GPRIN1: variants seen among roughly 807,000 people sequenced by gnomAD.
GPRIN1 encodes G protein regulated inducer of neurite outgrowth 1.
In GPRIN1, 4 loss-of-function variants were observed where a neutral mutation model predicts 2.8. The ratio of observed to expected loss-of-function variants is 1.45; its 90% CI spans 0.71 to 3.32. GPRIN1 has a LOEUF of 3.32. Ranked by LOEUF, GPRIN1 falls within the 30% of genes most tolerant of loss-of-function variation. GPRIN1 has a pLI of 0.01. For synonymous variants in GPRIN1, 589 were observed against 589.9 expected (o/e 1.00, Z 0.02); for missense variants, 1,322 against 1,343.4 (o/e 0.98, Z 0.25).
At chr5:176,600,225 C>T (rs1407823525) in intron 1 of GPRIN1, among the ~76,000 whole-genome samples, 1 of 152,182 alleles carries the variant, frequency 6.6e-6, no homozygotes, top group Non-Finnish European at 1.5e-5. Context: ...CTCCTGGGTT[C>T]AAGCGATTCT....
rs567886690 is a variant in GPRIN1 at position 176,602,737 on chromosome 5, T to C, written c.-43-2860A>G. On this transcript the variant is annotated intron_variant, in intron 1 of 1. Coordinates refer to ENST00000303991, the MANE Select transcript of GPRIN1 (RefSeq NM_052899.3). The surrounding 1 kb of genome is among the most constrained non-coding windows in gnomAD (Gnocchi z 4.4). ...CTGGGGTACACAAGGGCATGGCTAG[T>C]GATGAGAACAAGACGGGGAGGCAGG... is the stretch of plus-strand genomic sequence containing the variant. Among the ~76,000 whole-genome samples the C allele has an allele frequency of 3.9e-5, 6 of 152,014 alleles. No homozygotes were observed. In the East Asian group the frequency reaches 7.7e-4, roughly 20 times the overall value.
At position 176,598,129 on chromosome 5, in the gene GPRIN1, G is replaced by C; in HGVS notation, c.1706C>G (p.Ser569Cys). 6.2e-7 allele frequency: 1 copy of C among 1,612,964 alleles called. No individual in the cohort carries two copies. The highest frequency in any genetic ancestry group is 1.1e-5 in the South Asian group (1 of 91,070). Reference sequence around the variant, plus strand: ...TGAGACCACTTTACCTATAGACACAGAGTCCCCTTGTCCAGAGGGGCCAGC... The same window carrying C: ...TGAGACCACTTTACCTATAGACACACAGTCCCCTTGTCCAGAGGGGCCAGC... ...ADAGPSGQGD[S>C]VSIGKVVSTP... Residue 569 changes from serine to cysteine, a missense_variant, in exon 2 of 2, where the codon TCT becomes TGT. Coordinates refer to ENST00000303991, the MANE Select transcript of GPRIN1 (RefSeq NM_052899.3).
Position 176,597,425 on chromosome 5 carries a change from C to T in GPRIN1, c.2410G>A (p.Ala804Thr), listed in dbSNP as rs1581156088. ...FTKAPSWEAS[A>T]PPPPREDAGT... The stretch of plus-strand genomic sequence containing the variant: ...GCGTCCTCGCGCGGCGGCGGCGGGG[C>T]GCTCGCCTCCCACGACGGCGCCTTG... The change falls in exon 2 of 2, where the codon GCC (alanine) becomes ACC (threonine). Residue 804 changes from alanine to threonine, a missense_variant. Coordinates refer to ENST00000303991, the MANE Select transcript of GPRIN1 (RefSeq NM_052899.3). This position sits in a 1 kb window ranked among gnomAD's most constrained non-coding sequence, Gnocchi z 6.1. 6 of 1,297,654 alleles carry T rather than the reference C, an allele frequency of 4.6e-6. No individual in the cohort carries two copies. The highest frequency in any genetic ancestry group is 5.8e-6 in the Non-Finnish European group (6 of 1,027,944). 80.4% of individuals were successfully genotyped at this position (1,297,654 alleles called of 1,614,324 possible). A position where few individuals can be genotyped will look rare whatever the true frequency, so the allele number is the denominator to read the frequency against.
At chr5:176,606,852 G>A (rs1185670833) in intron 1 of GPRIN1, among the ~76,000 whole-genome samples, 2 of 152,238 alleles carry the variant, frequency 1.3e-5, no homozygotes, top group African/African-American at 4.8e-5. Context: ...CTGTTTTCCA[G>A]AGGAAGAAAC....
intron 1 of GPRIN1, among the ~76,000 whole-genome samples, chr5:176,605,648 T>A (rs1759211883): frequency 1.3e-5 from 2 of 151,734 alleles, no homozygotes; most frequent in Admixed American, 6.6e-5. Context: ...ACAAAAACTT[T>A]AAATTAAAAT....
chr5:176,598,342 C>T lies in GPRIN1; in HGVS notation c.1493G>A (p.Arg498Lys). The change falls in exon 2 of 2, where the codon AGG (arginine) becomes AAG (lysine). Residue 498 changes from arginine (R) to lysine (K), a missense_variant. Coordinates refer to ENST00000303991, the MANE Select transcript of GPRIN1 (RefSeq NM_052899.3). ...NPVSSGPGDP[R>K]SLGTAGPPSA... ...TGGGGGACCTGCTGTCCCCAAGGAC[C>T]TGGGATCGCCTGGACCTGAAGACAC... 1.2e-6 allele frequency: 2 copies of T among 1,613,754 alleles called. No homozygotes were observed. The highest frequency in any genetic ancestry group is 1.7e-6 in the Non-Finnish European group (2 of 1,179,704).
Position 176,598,971 on chromosome 5 carries a change from C to G in GPRIN1, c.864G>C (p.Lys288Asn), listed in dbSNP as rs1759100286. The G allele has an allele frequency of 1.2e-6, 2 of 1,614,230 alleles. No homozygotes were observed. The highest frequency in any genetic ancestry group is 1.7e-6 in the Non-Finnish European group (2 of 1,180,028). The change falls in exon 2 of 2, where the codon AAG becomes AAC. Residue 288 changes from lysine (K) to asparagine (N), a missense_variant. By Grantham distance (94) the Lys-to-Asn change is moderately conservative (BLOSUM62 0). Coordinates refer to ENST00000303991, the MANE Select transcript of GPRIN1 (RefSeq NM_052899.3). ...CCTTTCCCGAGGGCCCAGGATCTCT[C>G]TTTCCCGACAATACAAGATCTACCT... is the stretch of plus-strand genomic sequence containing the variant. ...AEKVDLVLSG[K>N]RDPGPSGKAD...
Position 176,597,072 on chromosome 5 carries a change from C to G in GPRIN1, c.2763G>C (p.Thr921=). The stretch of plus-strand genomic sequence containing the variant: ...CCATGGCGGCGCCGTATACCTCCCA[C>G]GTCATGCCCTTCTCGTCCCAGCTCA... ...RDVSWDEKGM[T]WEVYGAAMEV... The change falls in exon 2 of 2, where the codon ACG becomes ACC. Residue 921 remains threonine (T), a synonymous_variant. Coordinates refer to ENST00000303991, the MANE Select transcript of GPRIN1 (RefSeq NM_052899.3). The surrounding 1 kb of genome is among the most constrained non-coding windows in gnomAD (Gnocchi z 6.1). The G allele has an allele frequency of 1.3e-6, 2 of 1,509,776 alleles. No individual in the cohort carries two copies. Among genetic ancestry groups the G allele is most frequent in the Non-Finnish European group, 1.8e-6 (2 of 1,127,106 alleles). The allele number at this position is 1,509,776 out of a possible 1,614,324, so 93.5% of individuals were successfully genotyped here.
Position 176,599,221 on chromosome 5 carries a change from G to T in GPRIN1, c.614C>A (p.Thr205Asn). Residue 205 changes from threonine (T) to asparagine (N), a missense_variant, in exon 2 of 2, where the codon ACT (threonine) becomes AAT (asparagine). Coordinates refer to ENST00000303991, the MANE Select transcript of GPRIN1 (RefSeq NM_052899.3). ...PVAPGRMDPM[T>N]VRKEDLGSLG... ...GGATCCAAGATCTTCCTTTCTTACA[G>T]TCATGGGATCCATCCTTCCAGGAGC... 5 of 1,613,722 alleles carry T rather than the reference G, an allele frequency of 3.1e-6. No homozygotes were observed. The highest frequency in any genetic ancestry group is 3.4e-6 in the Non-Finnish European group (4 of 1,179,958).
chr5:176,603,629 G>A (rs142748830), intron 1 of GPRIN1, among the ~76,000 whole-genome samples: 7 of 152,284 alleles, frequency 4.6e-5, no homozygotes, highest in African/African-American at 1.7e-4. Flanking sequence ...GGATCATGGG[G>A]CACTGGGTTT....
chr5:176,597,557 C>A lies in GPRIN1; in HGVS notation c.2278G>T (p.Ala760Ser), dbSNP rs766904668. The A allele has an allele frequency of 6.4e-7, 1 of 1,568,714 alleles. No homozygotes were observed. The highest frequency in any genetic ancestry group is 2.3e-5 in the East Asian group (1 of 43,112). Residue 760 changes from alanine (A) to serine (S), a missense_variant, in exon 2 of 2, where the codon GCC (alanine) becomes TCC (serine). Coordinates refer to ENST00000303991, the MANE Select transcript of GPRIN1 (RefSeq NM_052899.3). The surrounding 1 kb of genome is among the most constrained non-coding windows in gnomAD (Gnocchi z 6.1). ...AGGTCTTTCTGGCCGAGACTGGAGG[C>A]CTCGGTGCTGGACACGGGCTCGGCC... ...PKAEPVSSTE[A>S]SSLGQKDLEA...
Position 176,596,798 on chromosome 5 carries a change from TG to T in GPRIN1, c.*9del. The T allele has an allele frequency of 7.0e-7, 1 of 1,425,576 alleles. No individual in the cohort carries two copies. Among genetic ancestry groups the T allele is most frequent in the Non-Finnish European group, 9.2e-7 (1 of 1,089,792 alleles). 88.3% of individuals were successfully genotyped at this position (1,425,576 alleles called of 1,614,324 possible). ...AGGTCGGAAACTCGGGCGTACAAAA[TG>T]GGGGCAGATCACTCGGCCGTGGGTC... On this transcript the variant is annotated 3_prime_UTR_variant, in exon 2 of 2. Coordinates refer to ENST00000303991, the MANE Select transcript of GPRIN1 (RefSeq NM_052899.3). This position sits in a 1 kb window ranked among gnomAD's most constrained non-coding sequence, Gnocchi z 5.2.
Position 176,599,591 on chromosome 5 carries a change from A to G in GPRIN1, c.244T>C (p.Ser82Pro), listed in dbSNP as rs1259054677. 1.3e-6 allele frequency: 2 copies of G among 1,549,806 alleles called. No individual in the cohort carries two copies. The highest frequency in any genetic ancestry group is 1.7e-6 in the Non-Finnish European group (2 of 1,151,938). The change falls in exon 2 of 2, where the codon TCC (serine) becomes CCC (proline). Residue 82 changes from serine to proline, a missense_variant. Coordinates refer to ENST00000303991, the MANE Select transcript of GPRIN1 (RefSeq NM_052899.3). The stretch of plus-strand genomic sequence containing the variant: ...CTCCCTCTGGGGCCGTCAGAGCAGG[A>G]GGCCCCTTCCCCAGCCCCACTGGGG... ...RSPSGAGEGA[S>P]CSDGPRGSLA...
At position 176,598,132 on chromosome 5, in the gene GPRIN1, T is replaced by C. The variant is rs1285951084; in HGVS notation, c.1703A>G (p.Asp568Gly). Residue 568 changes from aspartate to glycine, a missense_variant, in exon 2 of 2, where the codon GAC becomes GGC. Transcript: ENST00000303991. ...GACCACTTTACCTATAGACACAGAG[T>C]CCCCTTGTCCAGAGGGGCCAGCGTC... is the stretch of plus-strand genomic sequence containing the variant. ...KADAGPSGQG[D>G]SVSIGKVVST... 2 of 1,612,406 alleles carry C rather than the reference T, an allele frequency of 1.2e-6. No individual in the cohort carries two copies. The highest frequency in any genetic ancestry group is 1.7e-4 in the Middle Eastern group (1 of 6,060).
At chr5:176,609,763 G>GCGGGAC (rs907699232) in intron 1 of GPRIN1, among the ~76,000 whole-genome samples, 4 of 151,208 alleles carry the variant, frequency 2.6e-5, no homozygotes, top group Non-Finnish European at 5.9e-5. Context: ...GCCCAGGGCT[G>GCGGGAC]CGGGACCCGC....
chr5:176,603,070 G>A lies in GPRIN1; in HGVS notation c.-43-3193C>T, dbSNP rs972953183. 3.3e-5 allele frequency among the ~76,000 whole-genome samples: 5 copies of A among 152,218 alleles called. No individual in the cohort carries two copies. In the South Asian group the frequency reaches 6.2e-4, roughly 19 times the overall value. Reference sequence around the variant, plus strand: ...TGATGTTTAAATTGTGGTTATGTGCGCACATAGTCCTTTTTTTTTCCAATG... The same window carrying A: ...TGATGTTTAAATTGTGGTTATGTGCACACATAGTCCTTTTTTTTTCCAATG... On this transcript the variant is annotated intron_variant, in intron 1 of 1. Transcript: ENST00000303991.
At chr5:176,607,141 C>G (rs752846986) in intron 1 of GPRIN1, among the ~76,000 whole-genome samples, 25 of 152,288 alleles carry the variant, frequency 1.6e-4, no homozygotes, top group Non-Finnish European at 3.2e-4. Context: ...AAGAGATAGG[C>G]CAGCCCTGGG....
chr5:176,596,624 T>C lies in GPRIN1; in HGVS notation c.*184A>G. 5.0e-6 allele frequency: 2 copies of C among 403,366 alleles called. No individual in the cohort carries two copies. The highest frequency in any genetic ancestry group is 7.8e-6 in the Non-Finnish European group (2 of 256,924). 25.0% of individuals were successfully genotyped at this position (403,366 alleles called of 1,614,324 possible). On this transcript the variant is annotated 3_prime_UTR_variant, in exon 2 of 2. Coordinates refer to ENST00000303991, the MANE Select transcript of GPRIN1 (RefSeq NM_052899.3). This position sits in a 1 kb window ranked among gnomAD's most constrained non-coding sequence, Gnocchi z 5.2. ...CGTGGCCTCGTGGCCACGAGGGAGC[T>C]TGGTAGAAGGGGTTCTTCTGTATTT...
chr5:176,596,762 G>A lies in GPRIN1; in HGVS notation c.*46C>T. The A allele has an allele frequency of 7.3e-7, 1 of 1,377,796 alleles. No homozygotes were observed. The highest frequency in any genetic ancestry group is 9.4e-7 in the Non-Finnish European group (1 of 1,062,388). The allele number at this position is 1,377,796 out of a possible 1,614,324, so 85.3% of individuals were successfully genotyped here. ...CTTCTAGGGGCCTGTGATCAAGAAGGGAGCCTGAGAAGGTCGGAAACTCGG... is the reference window on the plus strand; with the variant it reads ...CTTCTAGGGGCCTGTGATCAAGAAGAGAGCCTGAGAAGGTCGGAAACTCGG... On this transcript the variant is annotated 3_prime_UTR_variant, in exon 2 of 2. Transcript: ENST00000303991. This position sits in a 1 kb window ranked among gnomAD's most constrained non-coding sequence, Gnocchi z 5.2.
Sources: allele counts gnomAD v4.1 joint callset (sites outside exome capture counted in the v4.1 genomes callset), GRCh38; gene constraint gnomAD v4.1.1; non-coding constraint Gnocchi (gnomAD v3.1); transcripts MANE v1.5; gene names NCBI Gene and HGNC (gene_info 2026-07-23, HGNC 2026-07-21).